Variants in YEATS2 observed in about 807,000 individuals in gnomAD.
YEATS2 encodes YEATS domain-containing protein 2.
A neutral mutation model predicts 163.2 loss-of-function variants in YEATS2; 77 were observed. That is an observed-to-expected ratio of 0.47 (90% CI 0.39 to 0.57). The LOEUF (loss-of-function observed/expected upper bound fraction) is 0.57, where lower values mean the gene tolerates loss of function less well. YEATS2 is among the 20% of genes least tolerant of loss of function. The probability of loss-of-function intolerance (pLI) is 0.00; values close to 1 mark genes in which losing one functional copy is unlikely to be tolerated. For synonymous variants in YEATS2, 631 were observed against 645.1 expected, an observed-to-expected ratio of 0.98 and a Z score of 0.33; for missense variants, 1,549 against 1,729.8, an observed-to-expected ratio of 0.90 and a Z score of 1.85.
In YEATS2 at chr3:183,723,804, C is replaced by T. The variant is rs182468569; in HGVS notation, c.538-615C>T. 3.1e-3 allele frequency among the ~76,000 whole-genome samples: 474 copies of T among 151,846 alleles called. 3 individuals carry two copies. Among genetic ancestry groups the T allele is most frequent in the African/African-American group, 0.011 (450 of 41,388 alleles). ...GCGGGTACCTGTAATCCCATCTACT[C>T]GAGAGGCTGAGGCAGGAGAATCGCT... On this transcript the variant is annotated intron_variant, in intron 5 of 30. Coordinates refer to ENST00000305135, the MANE Select transcript of YEATS2 (RefSeq NM_018023.5).
chr3:183,731,570 A>G (rs1717781948), intron 7 of YEATS2, among the ~76,000 whole-genome samples: 1 of 152,210 alleles, frequency 6.6e-6, no homozygotes. Flanking sequence ...AATTTATGAG[A>G]TTTATTTGCT....
intron 1 of YEATS2, among the ~76,000 whole-genome samples, chr3:183,710,233 A>G (rs1479373332): frequency 6.6e-6 from 1 of 152,222 alleles, no homozygotes; most frequent in Non-Finnish European, 1.5e-5. Flanking sequence ...ACCATATCTA[A>G]CAACTGCTCA....
At chr3:183,781,329 T>C (rs1409634395) in intron 19 of YEATS2, among the ~76,000 whole-genome samples, 6 of 152,180 alleles carry the variant, frequency 3.9e-5, no homozygotes, top group African/African-American at 1.2e-4. Flanking sequence ...CCAGGAGCTC[T>C]GATGTCTAAG....
chr3:183,800,095 G>A (rs1390373813), intron 23 of YEATS2, among the ~76,000 whole-genome samples: 1 of 152,122 alleles, frequency 6.6e-6, no homozygotes, highest in African/African-American at 2.4e-5. Flanking sequence ...GCCTCCCAAA[G>A]TGCTGGGATT....
At position 183,800,517 on chromosome 3, in the gene YEATS2, A is replaced by G. The variant is rs767877323; in HGVS notation, c.3377A>G (p.Gln1126Arg). Residue 1126 changes from glutamine (Q) to arginine (R), a missense_variant, in exon 24 of 31, where the codon CAG becomes CGG. Transcript: ENST00000305135. ...PGPSCLSQEG[Q>R]TAVKTEESSE... ...CCGAGTTGCCTCTCTCAGGAGGGTC[A>G]GACAGCAGTGAAAACAGAAGAAAGT... 2 of 1,614,198 alleles carry G rather than the reference A, an allele frequency of 1.2e-6. No homozygotes were observed. Among genetic ancestry groups the G allele is most frequent in the South Asian group, 1.1e-5 (1 of 91,084 alleles).
intron 9 of YEATS2, among the ~76,000 whole-genome samples, chr3:183,750,603 TTTTAA>T (rs1407154331): frequency 1.3e-5 from 2 of 152,212 alleles, no homozygotes; most frequent in East Asian, 3.8e-4. Context: ...TTTTTTTGTA[TTTTAA>T]TTTATAGTAG....
In YEATS2 at chr3:183,754,309, C is replaced by A. The variant is rs1251763745; in HGVS notation, c.1334C>A (p.Pro445His). The change falls in exon 11 of 31, where the codon CCT becomes CAT. Residue 445 changes from proline to histidine, a missense_variant. Coordinates refer to ENST00000305135, the MANE Select transcript of YEATS2 (RefSeq NM_018023.5). ...KIVPQSQVPN[P>H]ESPGKSFQPI... The stretch of plus-strand genomic sequence containing the variant: ...GTTCCACAAAGTCAGGTTCCTAATC[C>A]TGAGTCACCTGGAAAATCCTTCCAG... 1.9e-6 allele frequency: 3 copies of A among 1,613,970 alleles called. No homozygotes were observed. The African/African-American group carries it at 4.0e-5, about 22-fold the overall frequency.
At position 183,777,543 on chromosome 3, in the gene YEATS2, G is replaced by T; in HGVS notation, c.2579G>T (p.Gly860Val). The T allele has an allele frequency of 6.2e-7, 1 of 1,612,034 alleles. No homozygotes were observed. The highest frequency in any genetic ancestry group is 8.5e-7 in the Non-Finnish European group (1 of 1,179,396). ...TCTTTATATTTTTTTCTAACTTAGG[G>T]CACATTTTTAGTTGGCCAGCCATCA... The part of the protein sequence containing the change: ...TSYILKQTPQ[G>V]TFLVGQPSPQ... Residue 860 changes from glycine to valine, a missense_variant and splice_region_variant, in exon 19 of 31, where the codon GGC becomes GTC. By Grantham distance (109) the Gly-to-Val change is moderately radical (BLOSUM62 -3). Transcript: ENST00000305135.
intron 15 of YEATS2, among the ~76,000 whole-genome samples, chr3:183,764,916 A>G (rs1373091926): frequency 6.6e-6 from 1 of 152,228 alleles, no homozygotes; most frequent in South Asian, 2.1e-4. Flanking sequence ...GCTGATAGCT[A>G]CCTAGGCCAC....
rs756211886 is a variant in YEATS2 at position 183,806,903 on chromosome 3, C to T, written c.3822C>T (p.Cys1274=). Residue 1274 remains cysteine, a synonymous_variant, in exon 28 of 31, where the codon TGC becomes TGT. Coordinates refer to ENST00000305135, the MANE Select transcript of YEATS2 (RefSeq NM_018023.5). The part of the protein sequence containing the change: ...PSSFSSADNL[C]RKLEDLQQFQ... ...CATTCTCCTCTGCTGACAACCTCTGCCGCAAACTGGAGGACCTGCAACAGT... is the reference window on the plus strand; with the variant it reads ...CATTCTCCTCTGCTGACAACCTCTGTCGCAAACTGGAGGACCTGCAACAGT... 1.9e-6 allele frequency: 3 copies of T among 1,613,908 alleles called. No individual in the cohort carries two copies. In the Admixed American group the frequency reaches 5.0e-5, roughly 27 times the overall value.
intron 10 of YEATS2, 110 bp downstream of exon 10, chr3:183,752,363 G>A (rs1052321815): frequency 1.1e-5 from 15 of 1,320,696 alleles, no homozygotes; most frequent in Middle Eastern, 2.6e-4. Flanking sequence ...AAGTGGACAT[G>A]CTGCCTCTAC....
At position 183,717,720 on chromosome 3, in the gene YEATS2, A is replaced by G; in HGVS notation, c.170A>G (p.Lys57Arg). 1 of 1,561,134 alleles carries G rather than the reference A, an allele frequency of 6.4e-7. No homozygotes were observed. The highest frequency in any genetic ancestry group is 1.3e-5 in the South Asian group (1 of 79,964). Residue 57 changes from lysine to arginine, a missense_variant, in exon 3 of 31, where the codon AAG becomes AGG. Transcript: ENST00000305135. ...KEQFALEMKN[K>R]EHEIEVIDQR... Reference sequence around the variant, plus strand: ...CAGTTTGCTCTTGAAATGAAGAATAAGGAACATGAAATTGAAGTCATTGAC... The same window carrying G: ...CAGTTTGCTCTTGAAATGAAGAATAGGGAACATGAAATTGAAGTCATTGAC...
Position 183,786,157 on chromosome 3 carries a change from A to G in YEATS2, c.2769A>G (p.Lys923=). The change falls in exon 20 of 31, where the codon AAA becomes AAG. Residue 923 remains lysine (K), a synonymous_variant. Coordinates refer to ENST00000305135, the MANE Select transcript of YEATS2 (RefSeq NM_018023.5). ...AAHGGQASLM[K]ISDSTLKTVP... ...ATGGAGGACAGGCATCTCTAATGAA[A>G]ATATCCGATAGCACCTTGAAGACTG... 6.2e-7 allele frequency: 1 copy of G among 1,613,998 alleles called. No homozygotes were observed. The highest frequency in any genetic ancestry group is 8.5e-7 in the Non-Finnish European group (1 of 1,179,876).
intron 7 of YEATS2, 74 bp downstream of exon 7, chr3:183,728,925 C>T: frequency 7.0e-7 from 1 of 1,424,052 alleles, no homozygotes. Flanking sequence ...AGTGATTTAA[C>T]TTCAAAACAT....
intron 11 of YEATS2, among the ~76,000 whole-genome samples, chr3:183,755,701 T>C (rs1720651047): frequency 6.6e-6 from 1 of 150,830 alleles, no homozygotes; most frequent in African/African-American, 2.4e-5. Flanking sequence ...ACCAGGTTCT[T>C]AAATCTAGCT....
At chr3:183,790,709 G>GT in intron 20 of YEATS2, 88 bp from the exon 21 acceptor site, 1 of 1,393,782 alleles carries the variant, frequency 7.2e-7, no homozygotes, top group Non-Finnish European at 1.0e-6. Context: ...ATGATATTTA[G>GT]TGTGTGTGCT....
At chr3:183,709,104 G>A (rs1714917558) in intron 1 of YEATS2, among the ~76,000 whole-genome samples, 1 of 151,794 alleles carries the variant, frequency 6.6e-6, no homozygotes, top group South Asian at 2.1e-4. Flanking sequence ...AGGTTGCAGT[G>A]AGCCAAGATC....
chr3:183,803,612 C>CTG lies in YEATS2; in HGVS notation c.3582+280_3582+281dup, dbSNP rs1464547278. 10 of 513,402 alleles carry CTG rather than the reference C, an allele frequency of 1.9e-5. 1 individual carries two copies. In the Admixed American group the frequency reaches 3.4e-4, roughly 17 times the overall value. The allele number at this position is 513,402 out of a possible 1,614,324, so 31.8% of individuals were successfully genotyped here. A position where few individuals can be genotyped will look rare whatever the true frequency, so the allele number is the denominator to read the frequency against. On this transcript the variant is annotated intron_variant, in intron 26 of 30. Coordinates refer to ENST00000305135, the MANE Select transcript of YEATS2 (RefSeq NM_018023.5). ...ATTGAGTCCTTACAGTGGGAAGGTG[C>CTG]TGTGGTGAGTTTAGGGAAAGCTGGG...
At chr3:183,755,365 C>T (rs1656066779) in intron 11 of YEATS2, among the ~76,000 whole-genome samples, 1 of 152,144 alleles carries the variant, frequency 6.6e-6, no homozygotes. Context: ...GATCCACCTA[C>T]CTTGGCCTCC....
Sources: gnomAD v4.1 joint callset for allele counts (sites outside exome capture counted in the v4.1 genomes callset) on GRCh38, gnomAD v4.1.1 for gene constraint, MANE v1.5 for transcripts, NCBI Gene and HGNC (gene_info 2026-07-23, HGNC 2026-07-21) for gene names.